CDH26: variants seen among roughly 807,000 people sequenced by gnomAD.
The protein encoded by CDH26 is cadherin 26, also known as cadherin-like protein 26.
In CDH26, 83 loss-of-function variants were observed where a neutral mutation model predicts 90.3. The ratio of observed to expected loss-of-function variants is 0.92; its 90% CI spans 0.77 to 1.10. The LOEUF is 1.10. CDH26 is among the 50% of genes least tolerant of loss of function. CDH26 has a pLI of 0.00. For missense variants in CDH26, 1,013 were observed against 1,037.6 expected, an observed-to-expected ratio of 0.98 and a Z score of 0.33; for synonymous variants, 397 against 396.3, an observed-to-expected ratio of 1.00 and a Z score of -0.02.
At chr20:59,966,245 A>G (rs1270317049) in intron 1 of CDH26, among the ~76,000 whole-genome samples, 1 of 149,954 alleles carries the variant, frequency 6.7e-6, no homozygotes, top group Non-Finnish European at 1.5e-5. Flanking sequence ...AAAAAAAAAA[A>G]AAAAAAAAAA....
intron 1 of CDH26, among the ~76,000 whole-genome samples, chr20:59,959,503 G>A (rs964863948): frequency 2.0e-5 from 3 of 151,596 alleles, no homozygotes; most frequent in African/African-American, 7.3e-5. Flanking sequence ...CTGGGTTCAA[G>A]CAACCTCCTG....
At chr20:59,990,874 T>C (rs1172984153) in intron 9 of CDH26, among the ~76,000 whole-genome samples, 1 of 151,674 alleles carries the variant, frequency 6.6e-6, no homozygotes, top group Non-Finnish European at 1.5e-5. Flanking sequence ...TTCTTTTTTT[T>C]TTTTCTTTTT....
chr20:60,033,829 A>G (rs2062063895), exon 9 of CDH26: 14 of 1,071,592 alleles, frequency 1.3e-5, no homozygotes, highest in Non-Finnish European at 1.6e-5. Context: ...AATAATGTGC[A>G]AAGCCCTGGT....
At chr20:59,967,871 TTC>T (rs1378551186) in intron 1 of CDH26, among the ~76,000 whole-genome samples, 1 of 108,484 alleles carries the variant, frequency 9.2e-6, no homozygotes, top group Non-Finnish European at 1.7e-5. Context: ...CTTTCTTTCT[TTC>T]TTTCTTCCTT....
At chr20:59,971,917 A>G in intron 3 of CDH26, 45 bp from the exon 4 acceptor site, 1 of 1,494,242 alleles carries the variant, frequency 6.7e-7, no homozygotes, top group Non-Finnish European at 9.3e-7. Flanking sequence ...ATAGTGGCTT[A>G]TTCTCATCCT....
chr20:59,990,424 C>A (rs892368762), intron 9 of CDH26, among the ~76,000 whole-genome samples: 3 of 152,140 alleles, frequency 2.0e-5, no homozygotes, highest in Non-Finnish European at 4.4e-5. Context: ...CAGTTGGCCC[C>A]AGACCCCATT....
At chr20:59,996,332 C>G in intron 12 of CDH26, 2 of 1,429,172 alleles carry the variant, frequency 1.4e-6, no homozygotes, top group Non-Finnish European at 1.8e-6. Flanking sequence ...ACCATGGAGA[C>G]AGCAATGTAC....
rs2061536136 is a variant in CDH26, at chr20:59,992,266, C to T, written c.1284-112C>T. The T allele has an allele frequency of 2.0e-6, 2 of 1,002,390 alleles. No homozygotes were observed. Among genetic ancestry groups the T allele is most frequent in the Non-Finnish European group, 1.5e-6 (1 of 684,442 alleles). 62.1% of individuals were successfully genotyped at this position (1,002,390 alleles called of 1,614,324 possible). ...ATTGCTCTTAGAATTTCTCAAATTA[C>T]TTGTGGTAGAAATAGTGTTTCTATG... On this transcript the variant is annotated intron_variant, in intron 9 of 17. Transcript: ENST00000348616. The surrounding 1 kb of genome is among the most constrained non-coding windows in gnomAD (Gnocchi z 5.0).
chr20:59,985,622 T>A (rs2061447905), intron 7 of CDH26, among the ~76,000 whole-genome samples: 1 of 152,128 alleles, frequency 6.6e-6, no homozygotes, highest in African/African-American at 2.4e-5. Context: ...GGGGATCACA[T>A]TTCAGCATGA....
chr20:60,028,769 A>C (rs534191296), intron 7 of CDH26, among the ~76,000 whole-genome samples: 6 of 152,330 alleles, frequency 3.9e-5, no homozygotes, highest in African/African-American at 1.4e-4. Context: ...GACAAATAAT[A>C]TGGATATTCC....
chr20:59,997,818 A>G (rs1379354045), intron 13 of CDH26, among the ~76,000 whole-genome samples: 1 of 152,252 alleles, frequency 6.6e-6, no homozygotes, highest in Admixed American at 6.5e-5. Context: ...TGAACTTGAT[A>G]TGATGCTCCT....
intron 4 of CDH26, among the ~76,000 whole-genome samples, chr20:59,981,922 C>G (rs1220904587): frequency 6.6e-6 from 1 of 151,672 alleles, no homozygotes; most frequent in Non-Finnish European, 1.5e-5. Flanking sequence ...AGATTTTAAA[C>G]TATAAATTTC....
chr20:60,032,881 G>C (rs1170952056), intron 8 of CDH26, among the ~76,000 whole-genome samples: 1 of 150,498 alleles, frequency 6.6e-6, no homozygotes, highest in Non-Finnish European at 1.5e-5. Flanking sequence ...ATAGCATTGG[G>C]AGATGTACCT....
Position 60,012,717 on chromosome 20 carries a change from G to C in CDH26, c.2486G>C (p.Gly829Ala), listed in dbSNP as rs367943276. The C allele has an allele frequency of 1.2e-6, 2 of 1,613,260 alleles. No homozygotes were observed. The highest frequency in any genetic ancestry group is 8.5e-7 in the Non-Finnish European group (1 of 1,179,814). Residue 829 changes from glycine (G) to alanine (A), a missense_variant, in exon 18 of 18, where the codon GGT becomes GCT. Coordinates refer to ENST00000348616, the MANE Select transcript of CDH26 (RefSeq NM_177980.4). ...TPFEEIYSESGVPS is the reference protein window; with the variant it reads ...TPFEEIYSESAVPS ...TTTGAGGAAATATATTCAGAGTCAG[G>C]TGTTCCTTCCTAAAAAAAAAAGTCT...
intron 17 of CDH26, among the ~76,000 whole-genome samples, chr20:60,006,992 G>T (rs2061763104): frequency 6.6e-6 from 1 of 152,202 alleles, no homozygotes; most frequent in African/African-American, 2.4e-5. Context: ...CCAAGGTCAG[G>T]GTTCCAGCAT....
Position 59,984,947 on chromosome 20 carries a change from A to G in CDH26, c.709-54A>G, listed in dbSNP as rs3761265. Reference sequence around the variant, plus strand: ...TCCTAAACAGAATATTTCTTTATTAATATTTTCCTTTCCTGTATTTGAGGG... The same window carrying G: ...TCCTAAACAGAATATTTCTTTATTAGTATTTTCCTTTCCTGTATTTGAGGG... On this transcript the variant is annotated intron_variant, in intron 6 of 17. Transcript: ENST00000348616. 2.8e-3 allele frequency: 4,456 copies of G among 1,592,734 alleles called. 114 individuals are homozygous for G. The East Asian group carries it at 0.052, about 19-fold the overall frequency.
chr20:59,967,880 C>CTCTCTCTCTCT (rs1195650307), intron 1 of CDH26, among the ~76,000 whole-genome samples: 2 of 74,922 alleles, frequency 2.7e-5, no homozygotes, highest in African/African-American at 1.7e-4. Flanking sequence ...TTTCTTTCTT[C>CTCTCTCTCTCT]CTTCCTTCCT....
intron 4 of CDH26, among the ~76,000 whole-genome samples, chr20:59,976,242 C>A (rs888736240): frequency 6.6e-6 from 1 of 152,278 alleles, no homozygotes; most frequent in South Asian, 2.1e-4. Flanking sequence ...AGTTAATGCA[C>A]CATGGTTTGT....
Position 59,972,047 on chromosome 20 carries a change from T to A in CDH26, c.317T>A (p.Phe106Tyr). 1 of 1,613,956 alleles carries A rather than the reference T, an allele frequency of 6.2e-7. No homozygotes were observed. The highest frequency in any genetic ancestry group is 8.5e-7 in the Non-Finnish European group (1 of 1,179,832). ...GATGAATATCCAGAGATTGGTTTGT[T>A]TTCTCTAGAAGATCATGAGAACGGA... ...GVDEYPEIGLFSLEDHENGRI... is the reference protein window; with the variant it reads ...GVDEYPEIGLYSLEDHENGRI... The change falls in exon 4 of 18, where the codon TTT becomes TAT. Residue 106 changes from phenylalanine (F) to tyrosine (Y), a missense_variant. Phe to Tyr is a conservative substitution (Grantham distance 22). Coordinates refer to ENST00000348616, the MANE Select transcript of CDH26 (RefSeq NM_177980.4).
Sources: gnomAD v4.1 joint callset for allele counts (sites outside exome capture counted in the v4.1 genomes callset) on GRCh38, gnomAD v4.1.1 for gene constraint, Gnocchi (gnomAD v3.1) non-coding constraint, MANE v1.5 for transcripts, NCBI Gene and HGNC (gene_info 2026-07-23, HGNC 2026-07-21) for gene names.